PATJ: variants seen among roughly 807,000 people sequenced by gnomAD.
PATJ encodes the protein inaD-like protein.
Under a neutral mutation model 224.9 loss-of-function variants are expected in PATJ, and 190 were observed. That is an observed-to-expected ratio of 0.84 (90% CI 0.75 to 0.95). The LOEUF (loss-of-function observed/expected upper bound fraction) is 0.95. Among genes scored for constraint, PATJ ranks in the 40% least tolerant of loss-of-function variants. The probability of loss-of-function intolerance (pLI) is 0.00; values close to 1 mark genes in which losing one functional copy is unlikely to be tolerated. For synonymous variants in PATJ, 769 were observed against 820.3 expected (o/e 0.94, Z 1.07); for missense variants, 2,121 against 2,270.3 (o/e 0.93, Z 1.34).
intron 27 of PATJ, among the ~76,000 whole-genome samples, chr1:61,962,310 A>G (rs963697488): frequency 2.0e-5 from 3 of 152,212 alleles, no homozygotes; most frequent in African/African-American, 7.2e-5. Context: ...AAATGAGCAA[A>G]TGGATGAATA....
At chr1:62,056,125 TTGCTTGGTCCAC>T (rs1253107307) in intron 31 of PATJ, among the ~76,000 whole-genome samples, 2 of 152,164 alleles carry the variant, frequency 1.3e-5, no homozygotes, top group East Asian at 3.9e-4. Context: ...TAGGTCTTCC[TTGCTTGGTCCAC>T]TGCTTCAAAT....
In PATJ at chr1:62,114,096, T is replaced by A. The variant is rs1303471210; in HGVS notation, c.4505T>A (p.Ile1502Asn). 1.2e-6 allele frequency: 2 copies of A among 1,613,988 alleles called. No homozygotes were observed. Among genetic ancestry groups the A allele is most frequent in the Non-Finnish European group, 1.7e-6 (2 of 1,180,006 alleles). The stretch of plus-strand genomic sequence containing the variant: ...AGGAACTCCAGCCACGAAGAAGCCA[T>A]CACAGCCCTGAGGCAGACCCCCCAG... ...DLRNSSHEEA[I>N]TALRQTPQKV... Residue 1502 changes from isoleucine to asparagine, a missense_variant, in exon 35 of 44, where the codon ATC (isoleucine) becomes AAC (asparagine). Coordinates refer to ENST00000642238, the MANE Select transcript of PATJ (RefSeq NM_001350145.3).
chr1:62,100,441 G>A lies in PATJ; in HGVS notation c.4378-7996G>A, dbSNP rs776077308. On this transcript the variant is annotated intron_variant, in intron 33 of 43. Transcript: ENST00000642238. ...CATGAGGCAGAGAGGGAGGGGGGCT[G>A]AACTCTTTTTATTAGGAACTCACTC... The A allele has an allele frequency of 8.9e-5, 64 of 716,266 alleles. No individual in the cohort carries two copies. The Middle Eastern group carries it at 4.6e-3, about 51-fold the overall frequency. 44.4% of individuals were successfully genotyped at this position (716,266 alleles called of 1,614,324 possible).
At chr1:61,840,926 A>T in intron 17 of PATJ, among the ~76,000 whole-genome samples, 1 of 152,116 alleles carries the variant, frequency 6.6e-6, no homozygotes, top group Non-Finnish European at 1.5e-5. Context: ...TTATTTCTTT[A>T]TTCCGATAAT....
At chr1:62,103,386 T>C (rs1447239417) in intron 33 of PATJ, among the ~76,000 whole-genome samples, 1 of 152,130 alleles carries the variant, frequency 6.6e-6, no homozygotes, top group Non-Finnish European at 1.5e-5. Context: ...GAGGATTAAA[T>C]TGGACAAATG....
intron 27 of PATJ, among the ~76,000 whole-genome samples, chr1:61,937,209 A>G (rs1677014559): frequency 6.6e-6 from 1 of 151,896 alleles, no homozygotes. Context: ...GAATTCAAGG[A>G]CCACTGGTTA....
chr1:62,125,242 AAAAAAAAAAAAC>A (rs1248675886), intron 39 of PATJ, among the ~76,000 whole-genome samples: 2 of 113,410 alleles, frequency 1.8e-5, no homozygotes, highest in African/African-American at 3.5e-5. Context: ...GTCTCAAAAA[AAAAAAAAAAAAC>A]AAAAAAAAAC....
At chr1:61,813,310 C>A (rs1655224823) in intron 14 of PATJ, among the ~76,000 whole-genome samples, 1 of 138,838 alleles carries the variant, frequency 7.2e-6, no homozygotes, top group South Asian at 2.3e-4. Context: ...TGTTGTCTTT[C>A]CTGATCAACC....
intron 31 of PATJ, among the ~76,000 whole-genome samples, chr1:62,052,135 A>G (rs1470135936): frequency 6.6e-6 from 1 of 152,182 alleles, no homozygotes; most frequent in African/African-American, 2.4e-5. Context: ...AAAATGTCCT[A>G]CAAATCTCAA....
chr1:62,089,384 A>C (rs915346172), intron 33 of PATJ, among the ~76,000 whole-genome samples: 1 of 127,420 alleles, frequency 7.8e-6, no homozygotes, highest in Non-Finnish European at 1.6e-5. Context: ...ACTGTGAGGC[A>C]GCTAAAAAAA....
chr1:61,913,824 A>G (rs770215960), intron 25 of PATJ, among the ~76,000 whole-genome samples: 10 of 152,206 alleles, frequency 6.6e-5, no homozygotes, highest in Non-Finnish European at 1.0e-4. Context: ...ACAATGATGA[A>G]TAAGGTAAAT....
At chr1:61,946,579 C>T (rs1678748454) in intron 27 of PATJ, among the ~76,000 whole-genome samples, 1 of 152,124 alleles carries the variant, frequency 6.6e-6, no homozygotes, top group East Asian at 1.9e-4. Flanking sequence ...TAATTAATAG[C>T]CTACCAACCA....
At chr1:62,079,331 A>G in intron 31 of PATJ, 119 bp from the exon 32 acceptor site, 1 of 647,238 alleles carries the variant, frequency 1.5e-6, no homozygotes, top group East Asian at 2.6e-5. Flanking sequence ...CCAACCTTAT[A>G]TTCTCAAAAG....
intron 41 of PATJ, among the ~76,000 whole-genome samples, chr1:62,146,424 A>AT (rs1187093501): frequency 6.6e-6 from 1 of 152,172 alleles, no homozygotes; most frequent in Non-Finnish European, 1.5e-5. Flanking sequence ...GCCGCTATGG[A>AT]TGGAGGGGCT....
At chr1:61,879,827 C>A (rs1012859624) in intron 21 of PATJ, among the ~76,000 whole-genome samples, 4 of 144,680 alleles carry the variant, frequency 2.8e-5, no homozygotes, top group African/African-American at 1.0e-4. Flanking sequence ...TTTGACTACT[C>A]CATCTATTTT....
intron 34 of PATJ, among the ~76,000 whole-genome samples, chr1:62,111,644 T>C (rs17123098): frequency 0.018 from 2,637 of 150,516 alleles, 85 homozygotes; most frequent in African/African-American, 0.06. Flanking sequence ...GAAGTGCATC[T>C]ATATCCAAAA....
chr1:61,827,679 C>A, intron 16 of PATJ, 96 bp downstream of exon 16: 1 of 1,138,808 alleles, frequency 8.8e-7, no homozygotes, highest in Non-Finnish European at 1.2e-6. Flanking sequence ...GGAAACCATT[C>A]CACTCTGCTC....
At chr1:61,780,658 ATT>A (rs34053510) in intron 7 of PATJ, among the ~76,000 whole-genome samples, 25 of 148,528 alleles carry the variant, frequency 1.7e-4, no homozygotes, top group Non-Finnish European at 3.1e-4. Context: ...TTGGAGTGGC[ATT>A]TTTTTTTTTC....
intron 27 of PATJ, among the ~76,000 whole-genome samples, chr1:61,949,772 G>C (rs1419070687): frequency 6.6e-6 from 1 of 152,000 alleles, no homozygotes; most frequent in African/African-American, 2.4e-5. Flanking sequence ...CAGGTATGGG[G>C]GCATATGCCT....
Sources: allele counts gnomAD v4.1 joint callset (sites outside exome capture counted in the v4.1 genomes callset), GRCh38; gene constraint gnomAD v4.1.1; transcripts MANE v1.5; gene names NCBI Gene and HGNC (gene_info 2026-07-23, HGNC 2026-07-21).